Variants in TMEM161A observed in about 807,000 individuals in gnomAD.
TMEM161A encodes transmembrane protein 161A, also known as adaptive response to oxidative stress protein 29.
Under a neutral mutation model 57.1 loss-of-function variants are expected in TMEM161A, and 46 were observed. The ratio of observed to expected loss-of-function variants is 0.81; its 90% CI spans 0.64 to 1.03. The LOEUF is 1.03. TMEM161A is among the 50% of genes least tolerant of loss of function. TMEM161A has a pLI of 0.00. For missense variants in TMEM161A, 601 were observed against 621.5 expected, an observed-to-expected ratio of 0.97 and a Z score of 0.35; for synonymous variants, 288 against 279.0, an observed-to-expected ratio of 1.03 and a Z score of -0.32.
chr19:19,124,499 T>C (rs974431513), intron 6 of TMEM161A, among the ~76,000 whole-genome samples: 1 of 152,206 alleles, frequency 6.6e-6, no homozygotes, highest in Non-Finnish European at 1.5e-5. Flanking sequence ...ATCTGTGCAA[T>C]TGAGCTAGAA....
intron 6 of TMEM161A, 107 bp downstream of exon 6, chr19:19,130,049 C>T: frequency 1.5e-6 from 2 of 1,324,710 alleles, no homozygotes; most frequent in South Asian, 2.7e-5. Context: ...CCCAGGAGCC[C>T]ACTCCTTTGC....
intron 6 of TMEM161A, among the ~76,000 whole-genome samples, chr19:19,125,266 T>C (rs921735498): frequency 2.6e-5 from 4 of 152,194 alleles, no homozygotes; most frequent in Admixed American, 6.6e-5. Context: ...TTGACCCCTA[T>C]ATGATAACAC....
intron 6 of TMEM161A, among the ~76,000 whole-genome samples, chr19:19,122,766 CAA>C (rs1172853044): frequency 1.6e-4 from 19 of 117,920 alleles, no homozygotes; most frequent in African/African-American, 1.3e-4. Flanking sequence ...AAGACCTTGT[CAA>C]AAAAAAAAAA....
At chr19:19,133,483 T>C (rs1007711698) in intron 2 of TMEM161A, 33 of 407,800 alleles carry the variant, frequency 8.1e-5, no homozygotes, top group Non-Finnish European at 1.3e-4. Flanking sequence ...TTTTTCATTT[T>C]CTTTTTGAGA....
intron 5 of TMEM161A, among the ~76,000 whole-genome samples, chr19:19,131,308 C>G (rs1253970831): frequency 6.6e-6 from 1 of 152,044 alleles, no homozygotes; most frequent in African/African-American, 2.4e-5. Context: ...CCAAAAGTCA[C>G]AGGAGTAGCA....
intron 11 of TMEM161A, among the ~76,000 whole-genome samples, chr19:19,120,533 C>T (rs922279756): frequency 7.9e-5 from 12 of 151,940 alleles, no homozygotes; most frequent in Admixed American, 5.2e-4. Flanking sequence ...CCGCCCCCTA[C>T]CCAGGCCCCG....
rs549716621 is a variant in TMEM161A, at chr19:19,125,262, C to T, written c.596-3443G>A. Among the ~76,000 whole-genome samples, 4 of 152,222 alleles carry T rather than the reference C, an allele frequency of 2.6e-5. No individual in the cohort carries two copies. In the South Asian group the frequency reaches 8.3e-4, roughly 32 times the overall value. ...TCCGTGGAGACACTCAAATTTGACC[C>T]CTATATGATAACACAAAAATTAATG... is the stretch of plus-strand genomic sequence containing the variant. On this transcript the variant is annotated intron_variant, in intron 6 of 11. Transcript: ENST00000162044.
In TMEM161A at chr19:19,132,441, G is replaced by A; in HGVS notation, c.354C>T (p.Leu118=). The change falls in exon 5 of 12, where the codon CTC becomes CTT. Residue 118 remains leucine, a synonymous_variant. Coordinates refer to ENST00000162044, the MANE Select transcript of TMEM161A (RefSeq NM_017814.3). The surrounding 1 kb of genome is among the most constrained non-coding windows in gnomAD (Gnocchi z 4.3). ...DFAVYSGGVY[L]FTEAYYYMLG... Reference sequence around the variant, plus strand: ...GCATGTAGTAGTAGGCCTCTGTGAAGAGGTACACGCCGCCCGAGTACACAG... The same window carrying A: ...GCATGTAGTAGTAGGCCTCTGTGAAAAGGTACACGCCGCCCGAGTACACAG... 1 of 1,614,192 alleles carries A rather than the reference G, an allele frequency of 6.2e-7. No homozygotes were observed. The highest frequency in any genetic ancestry group is 8.5e-7 in the Non-Finnish European group (1 of 1,180,034).
rs1052099301 is a variant in TMEM161A at position 19,119,483 on chromosome 19, C to T, written c.*447G>A. On this transcript the variant is annotated 3_prime_UTR_variant, in exon 12 of 12. Transcript: ENST00000162044. ...CTTGCTCTCCTTTCTCCTCCCAGACCTTTGCTCCCCTCTCAGTCCTGCTCC... is the reference window on the plus strand; with the variant it reads ...CTTGCTCTCCTTTCTCCTCCCAGACTTTTGCTCCCCTCTCAGTCCTGCTCC... The T allele has an allele frequency of 1.1e-5, 2 of 174,562 alleles. No homozygotes were observed. Among genetic ancestry groups the T allele is most frequent in the Admixed American group, 1.1e-4 (2 of 18,094 alleles). 10.8% of individuals were successfully genotyped at this position (174,562 alleles called of 1,614,324 possible). A position where few individuals can be genotyped will look rare whatever the true frequency, so the allele number is the denominator to read the frequency against.
At chr19:19,131,114 G>C (rs1004381419) in intron 5 of TMEM161A, among the ~76,000 whole-genome samples, 12 of 152,126 alleles carry the variant, frequency 7.9e-5, no homozygotes, top group Non-Finnish European at 1.6e-4. Flanking sequence ...CAGCTACTTG[G>C]GAGGCTGAGG....
chr19:19,138,211 C>A (rs1418635062), intron 1 of TMEM161A, among the ~76,000 whole-genome samples: 1 of 152,222 alleles, frequency 6.6e-6, no homozygotes, highest in Non-Finnish European at 1.5e-5. Flanking sequence ...GGCTTCTAGT[C>A]CCCCTGGGTA....
chr19:19,129,676 G>T (rs1163115898), intron 6 of TMEM161A, among the ~76,000 whole-genome samples: 1 of 152,166 alleles, frequency 6.6e-6, no homozygotes, highest in Non-Finnish European at 1.5e-5. Flanking sequence ...GGGAGGCTGA[G>T]GTGGGTGGAT....
chr19:19,125,172 C>T (rs1185674280), intron 6 of TMEM161A, among the ~76,000 whole-genome samples: 1 of 151,950 alleles, frequency 6.6e-6, no homozygotes, highest in Non-Finnish European at 1.5e-5. Flanking sequence ...AAGGATCAGA[C>T]AGAACAAAAG....
intron 6 of TMEM161A, among the ~76,000 whole-genome samples, chr19:19,122,869 A>G (rs2059917110): frequency 6.6e-6 from 1 of 152,198 alleles, no homozygotes; most frequent in Non-Finnish European, 1.5e-5. Flanking sequence ...CAGAAAAACA[A>G]CAGTCAAGTT....
intron 11 of TMEM161A, 81 bp downstream of exon 11, chr19:19,120,684 C>T: frequency 7.5e-7 from 1 of 1,339,454 alleles, no homozygotes. Context: ...CCCCCCACCG[C>T]GGTCCCCGCC....
At chr19:19,128,533 A>AT (rs755755153) in intron 6 of TMEM161A, among the ~76,000 whole-genome samples, 4,250 of 110,526 alleles carry the variant, frequency 0.038, 184 homozygotes, top group Admixed American at 0.064. Flanking sequence ...CCTGGCCTAC[A>AT]TTTTTTTTTT....
rs1301654712 is a variant in TMEM161A at position 19,132,754 on chromosome 19, C to T, written c.189G>A (p.Arg63=). ...GKPRPRGRKE[R]WANGLSEEKP... Reference sequence around the variant, plus strand: ...TCTCCTCACTAAGGCCATTGGCCCACCTGGGAGGATGGTGACAAGCAAGAG... The same window carrying T: ...TCTCCTCACTAAGGCCATTGGCCCATCTGGGAGGATGGTGACAAGCAAGAG... The change falls in exon 4 of 12, where the codon CGG becomes CGA. Residue 63 remains arginine, a splice_region_variant and synonymous_variant. Transcript: ENST00000162044. This position sits in a 1 kb window ranked among gnomAD's most constrained non-coding sequence, Gnocchi z 4.3. 2 of 1,532,476 alleles carry T rather than the reference C, an allele frequency of 1.3e-6. No individual in the cohort carries two copies. Among genetic ancestry groups the T allele is most frequent in the East Asian group, 2.3e-5 (1 of 44,026 alleles). The allele number at this position is 1,532,476 out of a possible 1,614,324, so 94.9% of individuals were successfully genotyped here.
At chr19:19,137,044 G>A (rs571323011) in intron 1 of TMEM161A, among the ~76,000 whole-genome samples, 126 of 150,654 alleles carry the variant, frequency 8.4e-4, no homozygotes, top group Middle Eastern at 3.4e-3. Context: ...ACCTCAGCAC[G>A]GTGACACCTC....
chr19:19,124,014 A>G (rs1467724802), intron 6 of TMEM161A, among the ~76,000 whole-genome samples: 1 of 151,858 alleles, frequency 6.6e-6, no homozygotes, highest in African/African-American at 2.4e-5. Flanking sequence ...AGATTGCGCC[A>G]CTGCACTCCA....
Sources: allele counts gnomAD v4.1 joint callset (sites outside exome capture counted in the v4.1 genomes callset), GRCh38; gene constraint gnomAD v4.1.1; non-coding constraint Gnocchi (gnomAD v3.1); transcripts MANE v1.5; gene names NCBI Gene and HGNC (gene_info 2026-07-23, HGNC 2026-07-21).